The following SGMS1 variants were observed in gnomAD, a reference collection of about 807,000 sequenced individuals.
SGMS1 encodes sphingomyelin synthase 1, also known as phosphatidylcholine:ceramide cholinephosphotransferase 1.
SGMS1 carries 13 observed loss-of-function variants against 46.2 expected under a neutral mutation model. The ratio of observed to expected loss-of-function variants is 0.28; its 90% CI spans 0.18 to 0.45. The LOEUF (loss-of-function observed/expected upper bound fraction) is 0.45. SGMS1 is among the 20% of genes least tolerant of loss of function. SGMS1 has a pLI of 1.00. For missense variants in SGMS1, 324 were observed against 519.9 expected, an observed-to-expected ratio of 0.62 and a Z score of 3.66; for synonymous variants, 203 against 187.8, an observed-to-expected ratio of 1.08 and a Z score of -0.66.
intron 6 of SGMS1, among the ~76,000 whole-genome samples, chr10:50,430,017 T>C (rs971438554): frequency 4.6e-5 from 7 of 152,142 alleles, no homozygotes; most frequent in Non-Finnish European, 1.0e-4. Flanking sequence ...TATTATCTTC[T>C]TTTCATTCTA....
intron 2 of SGMS1, among the ~76,000 whole-genome samples, chr10:50,580,429 C>CCT (rs1026192002): frequency 1.6e-4 from 25 of 151,622 alleles, no homozygotes; most frequent in Non-Finnish European, 1.5e-4. Flanking sequence ...TAGGGACCCC[C>CCT]CCCCAAACCC....
chr10:50,601,214 C>G (rs1264313504), intron 1 of SGMS1, among the ~76,000 whole-genome samples: 1 of 152,110 alleles, frequency 6.6e-6, no homozygotes, highest in Non-Finnish European at 1.5e-5. Flanking sequence ...TGGAAGGATG[C>G]AGGGGTAAGA....
intron 3 of SGMS1, among the ~76,000 whole-genome samples, chr10:50,471,535 T>C (rs1233099285): frequency 6.6e-6 from 1 of 152,210 alleles, no homozygotes; most frequent in Non-Finnish European, 1.5e-5. Context: ...CAAACACTTT[T>C]CCTGGTTTAC....
intron 2 of SGMS1, among the ~76,000 whole-genome samples, chr10:50,548,399 T>C (rs752260527): frequency 6.6e-6 from 1 of 151,900 alleles, no homozygotes; most frequent in Non-Finnish European, 1.5e-5. Flanking sequence ...AACTCAGAAA[T>C]AAGAGTACAC....
intron 8 of SGMS1, among the ~76,000 whole-genome samples, chr10:50,326,828 G>A (rs902526735): frequency 2.6e-5 from 4 of 152,130 alleles, no homozygotes; most frequent in African/African-American, 9.7e-5. Context: ...CTCTGCTGTA[G>A]GGATTAATAG....
chr10:50,503,607 T>A (rs1199710207), intron 3 of SGMS1, among the ~76,000 whole-genome samples: 1 of 152,190 alleles, frequency 6.6e-6, no homozygotes, highest in Admixed American at 6.5e-5. Context: ...GCTGACTCTC[T>A]TTTCGGACTC....
At chr10:50,531,456 GA>G (rs1837952666) in intron 2 of SGMS1, among the ~76,000 whole-genome samples, 1 of 151,838 alleles carries the variant, frequency 6.6e-6, no homozygotes, top group Non-Finnish European at 1.5e-5. Context: ...CAATAAACGT[GA>G]TACACGTGTT....
At chr10:50,353,390 C>A (rs545515624) in intron 6 of SGMS1, among the ~76,000 whole-genome samples, 450 of 151,964 alleles carry the variant, frequency 3.0e-3, no homozygotes, top group Non-Finnish European at 5.2e-3. Flanking sequence ...ATTCAACAAC[C>A]CTTCATGCTA....
intron 6 of SGMS1, among the ~76,000 whole-genome samples, chr10:50,347,297 T>C (rs1182316126): frequency 6.6e-6 from 1 of 151,166 alleles, no homozygotes; most frequent in Non-Finnish European, 1.5e-5. Flanking sequence ...GATGGCTTAA[T>C]GGAAAACAAA....
intron 1 of SGMS1, among the ~76,000 whole-genome samples, chr10:50,601,117 G>C (rs967874503): frequency 6.6e-6 from 1 of 152,174 alleles, no homozygotes; most frequent in African/African-American, 2.4e-5. Flanking sequence ...GCAGAAAATG[G>C]GCAGCTGTAG....
At position 50,547,803 on chromosome 10, in the gene SGMS1, G is replaced by A. The variant is rs142537966; in HGVS notation, c.-588-27882C>T. On this transcript the variant is annotated intron_variant, in intron 2 of 10. Coordinates refer to ENST00000361781, the MANE Select transcript of SGMS1 (RefSeq NM_147156.4). ...ATGCAAAAATCCTCAAGAAAATACC[G>A]GCAAACCAAATCCAGCAACACATCA... 4.9e-3 allele frequency among the ~76,000 whole-genome samples: 743 copies of A among 152,116 alleles called. 4 individuals carry two copies. The highest frequency in any genetic ancestry group is 0.016 in the African/African-American group (653 of 41,486).
At chr10:50,466,788 T>C (rs1837333846) in intron 4 of SGMS1, 102 bp downstream of exon 4, 1 of 152,178 alleles carries the variant, frequency 6.6e-6, no homozygotes, top group African/African-American at 2.4e-5. Context: ...TCCTTATATA[T>C]TCCAATTGCC....
At chr10:50,583,960 A>C (rs1838458755) in intron 2 of SGMS1, among the ~76,000 whole-genome samples, 1 of 152,218 alleles carries the variant, frequency 6.6e-6, no homozygotes, top group Non-Finnish European at 1.5e-5. Flanking sequence ...GCCACAGAAC[A>C]AGGAATCTGG....
At chr10:50,345,829 G>A (rs1847905042) in intron 6 of SGMS1, among the ~76,000 whole-genome samples, 3 of 152,114 alleles carry the variant, frequency 2.0e-5, no homozygotes, top group Admixed American at 2.0e-4. Context: ...TTGGATAAGG[G>A]ATACTCAACT....
chr10:50,353,706 A>G (rs550963649), intron 6 of SGMS1, among the ~76,000 whole-genome samples: 17,383 of 150,636 alleles, frequency 0.12, 62 homozygotes, highest in South Asian at 0.17. Context: ...TCTCAGCCCA[A>G]AATCTCCTTA....
intron 1 of SGMS1, among the ~76,000 whole-genome samples, chr10:50,621,926 A>C (rs1301907132): frequency 6.6e-6 from 1 of 152,208 alleles, no homozygotes; most frequent in African/African-American, 2.4e-5. Flanking sequence ...AAAACATGCT[A>C]TATATTGCTG....
chr10:50,608,375 G>A (rs959397074), intron 1 of SGMS1, among the ~76,000 whole-genome samples: 1 of 152,140 alleles, frequency 6.6e-6, no homozygotes, highest in African/African-American at 2.4e-5. Flanking sequence ...GAGAAGAGGA[G>A]GAAGAGAAAT....
Position 50,343,579 on chromosome 10 carries a change from C to T in SGMS1, c.536G>A (p.Arg179Gln). The change falls in exon 7 of 11, where the codon CGG becomes CAG. Residue 179 changes from arginine to glutamine, a missense_variant. By Grantham distance (43) the Arg-to-Gln change is conservative. Transcript: ENST00000361781. ...ACAAATAGAAAAGGCCCACTGCACC[C>T]GGTTAAAATGGTCAAAAAATGTGTC... Reference protein sequence around the residue: ...LPDTFFDHFNRVQWAFSICEI... With the variant: ...LPDTFFDHFNQVQWAFSICEI... The T allele has an allele frequency of 1.2e-6, 2 of 1,614,084 alleles. No individual in the cohort carries two copies. Among genetic ancestry groups the T allele is most frequent in the Non-Finnish European group, 1.7e-6 (2 of 1,180,020 alleles).
At chr10:50,541,135 G>C (rs1838048293) in intron 2 of SGMS1, among the ~76,000 whole-genome samples, 1 of 152,216 alleles carries the variant, frequency 6.6e-6, no homozygotes, top group Admixed American at 6.5e-5. Flanking sequence ...TGAAAATGTG[G>C]GGGTTTCAGG....
Sources: allele counts gnomAD v4.1 joint callset (sites outside exome capture counted in the v4.1 genomes callset), GRCh38; gene constraint gnomAD v4.1.1; transcripts MANE v1.5; gene names NCBI Gene and HGNC (gene_info 2026-07-23, HGNC 2026-07-21).